The following NCKAP5 variants were observed in gnomAD, a reference collection of about 807,000 sequenced individuals.
NCKAP5 encodes NCK associated protein 5, also known as nck-associated protein 5.
In NCKAP5, 92 loss-of-function variants were observed where a neutral mutation model predicts 167.0. The ratio of observed to expected loss-of-function variants is 0.55; its 90% CI spans 0.47 to 0.66. The LOEUF is 0.66. Ranked by LOEUF, NCKAP5 falls within the 30% of genes least tolerant of loss-of-function variation. The pLI is 0.00. For missense variants in NCKAP5, 2,378 were observed against 2,315.0 expected (o/e 1.03, Z -0.56); for synonymous variants, 891 against 877.4 (o/e 1.02, Z -0.27).
chr2:133,650,195 C>G, the NCKAP5 span, among the ~76,000 whole-genome samples: 1 of 151,910 alleles, frequency 6.6e-6, no homozygotes, highest in South Asian at 2.1e-4. Flanking sequence ...TACAAAATAT[C>G]AATGAAAGAA....
At chr2:133,577,067 A>C in the NCKAP5 span, among the ~76,000 whole-genome samples, 1 of 152,192 alleles carries the variant, frequency 6.6e-6, no homozygotes, top group Non-Finnish European at 1.5e-5. Context: ...TCCCAGAAGC[A>C]GGGAACCTTC....
chr2:133,015,135 T>C (rs570438792), intron 6 of NCKAP5, among the ~76,000 whole-genome samples: 147 of 152,328 alleles, frequency 9.7e-4, no homozygotes, highest in African/African-American at 3.5e-3. Context: ...CATTGAGCAC[T>C]TGCCATATAC....
At chr2:133,160,994 C>T (rs1005271591) in intron 5 of NCKAP5, among the ~76,000 whole-genome samples, 1 of 152,156 alleles carries the variant, frequency 6.6e-6, no homozygotes, top group Non-Finnish European at 1.5e-5. Context: ...TGGGGCCACA[C>T]AGCAGGAGAT....
intron 19 of NCKAP5, among the ~76,000 whole-genome samples, chr2:132,689,236 G>A (rs1460796027): frequency 6.6e-6 from 1 of 152,090 alleles, no homozygotes; most frequent in Admixed American, 6.6e-5. Context: ...CTCCAAGATA[G>A]GAACTGCATG....
intron 4 of NCKAP5, among the ~76,000 whole-genome samples, chr2:133,287,169 C>G (rs942584314): frequency 2.0e-5 from 3 of 152,208 alleles, no homozygotes; most frequent in Non-Finnish European, 4.4e-5. Context: ...CTATCCATCT[C>G]TTAGTCTTCT....
chr2:133,073,627 C>A (rs1193743878), intron 6 of NCKAP5, among the ~76,000 whole-genome samples: 1 of 152,142 alleles, frequency 6.6e-6, no homozygotes, highest in Non-Finnish European at 1.5e-5. Context: ...CAAAAAGAAT[C>A]ATCAATTAGA....
intron 4 of NCKAP5, among the ~76,000 whole-genome samples, chr2:133,298,847 T>C (rs1680146177): frequency 6.6e-6 from 1 of 152,148 alleles, no homozygotes; most frequent in African/African-American, 2.4e-5. Flanking sequence ...ATTGCTGATT[T>C]AATTAATACA....
the NCKAP5 span, among the ~76,000 whole-genome samples, chr2:133,584,267 CT>C: frequency 6.6e-6 from 1 of 152,138 alleles, no homozygotes; most frequent in Non-Finnish European, 1.5e-5. Context: ...AAGCTCTGCA[CT>C]TTTCAGATGT....
chr2:133,164,094 A>G lies in NCKAP5; in HGVS notation c.208-33983T>C, dbSNP rs13408270. 6.4e-3 allele frequency among the ~76,000 whole-genome samples: 970 copies of G among 152,356 alleles called. 12 individuals carry two copies. The highest frequency in any genetic ancestry group is 0.023 in the African/African-American group (942 of 41,588). On this transcript the variant is annotated intron_variant, in intron 5 of 19. Transcript: ENST00000409261. ...ACAGTGAGAGAATAATTCCAAGCCC[A>G]CAGGCGAGAAGTCAATTTTCAAACA...
chr2:133,095,376 C>A (rs1424906463), intron 6 of NCKAP5, among the ~76,000 whole-genome samples: 5 of 152,202 alleles, frequency 3.3e-5, no homozygotes, highest in Admixed American at 3.3e-4. Context: ...TATTTTCCTG[C>A]TCTTAGAATT....
intron 9 of NCKAP5, among the ~76,000 whole-genome samples, chr2:132,872,982 T>C (rs371848552): frequency 5.9e-5 from 9 of 152,274 alleles, no homozygotes; most frequent in African/African-American, 2.2e-4. Context: ...ATAGACATAA[T>C]CAGCGAAACC....
chr2:133,031,520 T>C (rs1316487400), intron 6 of NCKAP5, among the ~76,000 whole-genome samples: 1 of 152,148 alleles, frequency 6.6e-6, no homozygotes, highest in Non-Finnish European at 1.5e-5. Context: ...TGAAAGGCAG[T>C]CTGGGCCATA....
chr2:133,497,630 C>T (rs1682059517), intron 3 of NCKAP5, among the ~76,000 whole-genome samples: 1 of 152,176 alleles, frequency 6.6e-6, no homozygotes, highest in Admixed American at 6.5e-5. Context: ...GATCCTTGTC[C>T]TGTGTAACAG....
chr2:132,795,943 T>C (rs889465839), intron 12 of NCKAP5, among the ~76,000 whole-genome samples: 3 of 150,798 alleles, frequency 2.0e-5, no homozygotes, highest in Admixed American at 6.6e-5. Context: ...GGCTATATTA[T>C]AGATTGGATG....
chr2:132,963,174 G>T (rs893200787), intron 8 of NCKAP5, among the ~76,000 whole-genome samples: 2 of 152,096 alleles, frequency 1.3e-5, no homozygotes, highest in South Asian at 4.2e-4. Flanking sequence ...ATCATATCCC[G>T]GTCTGGAGGT....
At chr2:132,941,421 T>C (rs1417744784) in intron 8 of NCKAP5, among the ~76,000 whole-genome samples, 1 of 152,180 alleles carries the variant, frequency 6.6e-6, no homozygotes, top group African/African-American at 2.4e-5. Flanking sequence ...GGACAATCAG[T>C]GTAGTCCAAC....
chr2:133,177,590 A>G (rs62177460), intron 5 of NCKAP5, among the ~76,000 whole-genome samples: 14,454 of 152,118 alleles, frequency 0.095, 796 homozygotes, highest in Non-Finnish European at 0.11. Flanking sequence ...GGCTACTTTC[A>G]TACCACAGGT....
intron 6 of NCKAP5, among the ~76,000 whole-genome samples, chr2:133,070,507 C>T (rs2080353230): frequency 6.6e-6 from 1 of 152,100 alleles, no homozygotes; most frequent in South Asian, 2.1e-4. Context: ...GGACCGACTC[C>T]TTAGTTCTCA....
At chr2:133,531,439 G>C (rs933961767) in intron 2 of NCKAP5, among the ~76,000 whole-genome samples, 28 of 152,052 alleles carry the variant, frequency 1.8e-4, no homozygotes, top group Admixed American at 1.8e-3. Flanking sequence ...TAAGCCTATT[G>C]ATTAATAAAC....
Sources: gnomAD v4.1 joint callset for allele counts (sites outside exome capture counted in the v4.1 genomes callset) on GRCh38, gnomAD v4.1.1 for gene constraint, MANE v1.5 for transcripts, NCBI Gene and HGNC (gene_info 2026-07-23, HGNC 2026-07-21) for gene names.